The following CDH4 variants were observed in gnomAD, a reference collection of about 807,000 sequenced individuals.
CDH4 encodes cadherin-4.
CDH4 carries 33 observed loss-of-function variants against 86.0 expected under a neutral mutation model. That is an observed-to-expected ratio of 0.38 (90% CI 0.29 to 0.51). CDH4 has a LOEUF of 0.51. CDH4 is among the 20% of genes least tolerant of loss of function. CDH4 has a pLI of 0.86. For missense variants in CDH4, 1,114 were observed against 1,307.4 expected, an observed-to-expected ratio of 0.85 and a Z score of 2.28; for synonymous variants, 555 against 549.4, an observed-to-expected ratio of 1.01 and a Z score of -0.14.
chr20:61,716,514 C>A (rs530464580), intron 2 of CDH4, among the ~76,000 whole-genome samples: 1 of 152,336 alleles, frequency 6.6e-6, no homozygotes, highest in Admixed American at 6.5e-5. Flanking sequence ...TTTCACCTGT[C>A]CACAGGCACC....
At chr20:61,572,255 C>T (rs1271537977) in intron 2 of CDH4, among the ~76,000 whole-genome samples, 1 of 152,082 alleles carries the variant, frequency 6.6e-6, no homozygotes, top group Non-Finnish European at 1.5e-5. Flanking sequence ...GTGTGTGTGT[C>T]CCTTAGACTA....
chr20:61,563,141 C>T (rs1199968755), intron 2 of CDH4, among the ~76,000 whole-genome samples: 1 of 152,134 alleles, frequency 6.6e-6, no homozygotes, highest in African/African-American at 2.4e-5. Context: ...GGAACAACCT[C>T]TCTTGACCTG....
intron 3 of CDH4, among the ~76,000 whole-genome samples, chr20:61,771,549 A>T (rs572713265): frequency 6.7e-6 from 1 of 149,412 alleles, no homozygotes; most frequent in South Asian, 2.1e-4. Context: ...ACTTAAACCC[A>T]GGAGGCAGAG....
intron 7 of CDH4, among the ~76,000 whole-genome samples, chr20:61,885,580 C>T (rs535172132): frequency 7.2e-5 from 11 of 152,260 alleles, no homozygotes; most frequent in Admixed American, 3.3e-4. Context: ...CTGTTAATGG[C>T]GCTGCTTTGA....
At position 61,375,140 on chromosome 20, in the gene CDH4, T is replaced by C. The variant is rs73917733; in HGVS notation, c.169+120203T>C. Among the ~76,000 whole-genome samples, 182 of 152,326 alleles carry C rather than the reference T, an allele frequency of 1.2e-3. 1 individual carries two copies. Among genetic ancestry groups the C allele is most frequent in the African/African-American group, 4.2e-3 (176 of 41,574 alleles). ...CCACATGTTTGGGCACATGTTCTCA[T>C]GATCTCCTGAGGGCTGTGTCACAGG... On this transcript the variant is annotated intron_variant, in intron 2 of 15. Transcript: ENST00000614565.
intron 2 of CDH4, among the ~76,000 whole-genome samples, chr20:61,567,922 A>C (rs528359785): frequency 6.6e-6 from 1 of 152,306 alleles, no homozygotes; most frequent in African/African-American, 2.4e-5. Context: ...ACAGTGAGCT[A>C]TGATTGCACC....
intron 2 of CDH4, among the ~76,000 whole-genome samples, chr20:61,262,810 C>T (rs1003175244): frequency 2.0e-5 from 3 of 149,086 alleles, no homozygotes; most frequent in Non-Finnish European, 3.0e-5. Context: ...CCCTCCTTTC[C>T]TCTCTTCCCT....
At chr20:61,443,019 G>C (rs574657831) in intron 2 of CDH4, among the ~76,000 whole-genome samples, 1 of 152,328 alleles carries the variant, frequency 6.6e-6, no homozygotes, top group East Asian at 1.9e-4. Flanking sequence ...AATGTCTTTA[G>C]ACGTTGCCAG....
chr20:61,551,712 A>T (rs928950802), intron 2 of CDH4, among the ~76,000 whole-genome samples: 1 of 152,232 alleles, frequency 6.6e-6, no homozygotes, highest in African/African-American at 2.4e-5. Flanking sequence ...AGAATCTTCT[A>T]GACTCTGATT....
At chr20:61,662,660 T>A (rs1324676361) in intron 2 of CDH4, among the ~76,000 whole-genome samples, 2 of 152,110 alleles carry the variant, frequency 1.3e-5, no homozygotes, top group African/African-American at 4.8e-5. Flanking sequence ...CCAGGCTGAT[T>A]AGAGAGAGGA....
At chr20:61,634,938 G>A (rs777076115) in intron 2 of CDH4, among the ~76,000 whole-genome samples, 1 of 152,158 alleles carries the variant, frequency 6.6e-6, no homozygotes, top group Non-Finnish European at 1.5e-5. Context: ...ATTTCACTTA[G>A]CATGATAATG....
chr20:61,358,900 G>A (rs1361802880), intron 2 of CDH4, among the ~76,000 whole-genome samples: 1 of 152,174 alleles, frequency 6.6e-6, no homozygotes, highest in Non-Finnish European at 1.5e-5. Flanking sequence ...AGCCCAGGGT[G>A]ACGGGGGGGT....
At chr20:61,654,406 G>A (rs922966135) in intron 2 of CDH4, among the ~76,000 whole-genome samples, 2 of 152,128 alleles carry the variant, frequency 1.3e-5, no homozygotes, top group African/African-American at 4.8e-5. Context: ...GCATCAGAGG[G>A]AGACCGTGGA....
chr20:61,522,149 G>A (rs1452563542), intron 2 of CDH4, among the ~76,000 whole-genome samples: 1 of 152,194 alleles, frequency 6.6e-6, no homozygotes, highest in Non-Finnish European at 1.5e-5. Context: ...CTTCAGCTTG[G>A]CAGCTCCCTG....
intron 2 of CDH4, among the ~76,000 whole-genome samples, chr20:61,741,578 T>A (rs2088335933): frequency 6.6e-6 from 1 of 151,778 alleles, no homozygotes; most frequent in African/African-American, 2.4e-5. Flanking sequence ...TGCAAGCTCC[T>A]CCTCCCAGGT....
At chr20:61,420,653 G>A (rs1028996686) in intron 2 of CDH4, among the ~76,000 whole-genome samples, 1 of 152,266 alleles carries the variant, frequency 6.6e-6, no homozygotes, top group African/African-American at 2.4e-5. Context: ...GCCGTGCTCT[G>A]GAAGGTTCAT....
Position 61,531,472 on chromosome 20 carries a change from CAAAA to C in CDH4, c.170-212071_170-212068del, listed in dbSNP as rs956436259. Among the ~76,000 whole-genome samples the C allele has an allele frequency of 2.5e-4, 11 of 44,114 alleles. No homozygotes were observed. In the South Asian group the frequency reaches 3.4e-3, roughly 14 times the overall value. 28.9% of individuals were successfully genotyped at this position (44,114 alleles called of 152,430 possible). A position where few individuals can be genotyped will look rare whatever the true frequency, so the allele number is the denominator to read the frequency against. On this transcript the variant is annotated intron_variant, in intron 2 of 15. Coordinates refer to ENST00000614565, the MANE Select transcript of CDH4 (RefSeq NM_001794.5). Reference sequence around the variant, plus strand: ...TGGGCGACAGAGCAAGACTGCATCTCAAAAAAAAAAAAAAAAAAAAAAAGGGATT... The same window carrying C: ...TGGGCGACAGAGCAAGACTGCATCTCAAAAAAAAAAAAAAAAAAAGGGATT...
chr20:61,734,775 G>A (rs2088239561), intron 2 of CDH4, among the ~76,000 whole-genome samples: 3 of 152,136 alleles, frequency 2.0e-5, no homozygotes, highest in Non-Finnish European at 4.4e-5. Context: ...GTTTCTCCCT[G>A]TACCGCCAGT....
At chr20:61,258,601 A>C (rs2084113737) in intron 2 of CDH4, among the ~76,000 whole-genome samples, 1 of 152,248 alleles carries the variant, frequency 6.6e-6, no homozygotes, top group Non-Finnish European at 1.5e-5. Flanking sequence ...GGCCAACAGA[A>C]TAAAACCCAA....
Sources: allele counts gnomAD v4.1 joint callset (sites outside exome capture counted in the v4.1 genomes callset), GRCh38; gene constraint gnomAD v4.1.1; transcripts MANE v1.5; gene names NCBI Gene and HGNC (gene_info 2026-07-23, HGNC 2026-07-21).